Variants in RNF10 observed in about 807,000 individuals in gnomAD.
The protein encoded by RNF10 is E3 ubiquitin-protein ligase RNF10.
In RNF10, 38 loss-of-function variants were observed where a neutral mutation model predicts 91.4. That is an observed-to-expected ratio of 0.42 (90% CI 0.32 to 0.54). The LOEUF is 0.54. Among genes scored for constraint, RNF10 ranks in the 20% least tolerant of loss-of-function variants. The pLI is 0.16. For missense variants in RNF10, 945 were observed against 1,012.0 expected (o/e 0.93, Z 0.90); for synonymous variants, 364 against 366.3 (o/e 0.99, Z 0.07).
rs149749031 is a variant in RNF10, at chr12:120,570,991, A to G, written c.2042-200A>G. ...CGATGAAGCTCTTCCCTCTTCCTGTACCGGTCGCTGATTTCACTGGTGATA... is the reference window on the plus strand; with the variant it reads ...CGATGAAGCTCTTCCCTCTTCCTGTGCCGGTCGCTGATTTCACTGGTGATA... On this transcript the variant is annotated intron_variant, in intron 13 of 16. Transcript: ENST00000325954. Among the ~76,000 whole-genome samples the G allele has an allele frequency of 3.5e-3, 537 of 152,106 alleles. 4 individuals carry two copies. Among genetic ancestry groups the G allele is most frequent in the African/African-American group, 0.012 (507 of 41,486 alleles).
At chr12:120,549,507 G>A (rs113308343) in intron 2 of RNF10, among the ~76,000 whole-genome samples, 82 of 152,248 alleles carry the variant, frequency 5.4e-4, no homozygotes, top group African/African-American at 1.7e-3. Context: ...TGATGGGGCC[G>A]GGCGCAGTGG....
rs1014462619 is a variant in RNF10 at position 120,577,322 on chromosome 12, C to T, written c.*656C>T. ...AGTTGGTAAGGAAAGCTGTAACTCACGAAGCCCTGAGACCTGCTACCCCTA... is the reference window on the plus strand; with the variant it reads ...AGTTGGTAAGGAAAGCTGTAACTCATGAAGCCCTGAGACCTGCTACCCCTA... On this transcript the variant is annotated 3_prime_UTR_variant, in exon 17 of 17. Coordinates refer to ENST00000325954, the MANE Select transcript of RNF10 (RefSeq NM_014868.5). 7.9e-6 allele frequency: 3 copies of T among 380,878 alleles called. No individual in the cohort carries two copies. Among genetic ancestry groups the T allele is most frequent in the Admixed American group, 3.5e-5 (1 of 28,304 alleles). 23.6% of individuals were successfully genotyped at this position (380,878 alleles called of 1,614,324 possible).
chr12:120,554,497 G>A, intron 3 of RNF10: 1 of 485,770 alleles, frequency 2.1e-6, no homozygotes, highest in South Asian at 2.3e-5. Context: ...ACTTGAAGCA[G>A]AAGAAAACAG....
rs538700922 is a variant in RNF10 at position 120,567,822 on chromosome 12, A to ACAC, written c.2041+855_2041+857dup. Among the ~76,000 whole-genome samples the ACAC allele has an allele frequency of 7.0e-3, 1,072 of 152,194 alleles. 14 individuals are homozygous for ACAC. Among genetic ancestry groups the ACAC allele is most frequent in the African/African-American group, 0.024 (1,012 of 41,516 alleles). Reference sequence around the variant, plus strand: ...ATAAATGTTCGTGGGTTTTAAAAAAACACCACCACCACCACAAAACTAAAG... The same window carrying ACAC: ...ATAAATGTTCGTGGGTTTTAAAAAAACACCACCACCACCACCACAAAACTAAAG... On this transcript the variant is annotated intron_variant, in intron 13 of 16. Transcript: ENST00000325954.
chr12:120,557,776 AG>A, intron 6 of RNF10, 94 bp downstream of exon 6: 1 of 1,384,418 alleles, frequency 7.2e-7, no homozygotes, highest in Non-Finnish European at 1.0e-6. Flanking sequence ...GCCTTTGGGC[AG>A]GGCACATCTG....
intron 7 of RNF10, among the ~76,000 whole-genome samples, chr12:120,562,271 C>CTT (rs71076634): frequency 0.093 from 9,206 of 99,412 alleles, 597 homozygotes; most frequent in Non-Finnish European, 0.11. Context: ...TTCTTTCTTT[C>CTT]TTTTTTTTTT....
rs769203369 is a variant in RNF10, at chr12:120,571,272, C to T, written c.2123C>T (p.Pro708Leu). The T allele has an allele frequency of 9.9e-6, 16 of 1,612,848 alleles. No individual in the cohort carries two copies. The highest frequency in any genetic ancestry group is 1.4e-5 in the Non-Finnish European group (16 of 1,178,866). ...FCVGSLEEDS[P>L]FPSFAQMLRV... ...GTTGGGAGTCTGGAAGAAGACTCTC[C>T]CTTCCCTTCCTTTGCCCAGGTAAAT... The change falls in exon 14 of 17, where the codon CCC becomes CTC. Residue 708 changes from proline (P) to leucine (L), a missense_variant. Physicochemically the swap from Pro to Leu is moderately conservative, Grantham distance 98. Coordinates refer to ENST00000325954, the MANE Select transcript of RNF10 (RefSeq NM_014868.5).
rs1877514191 is a variant in RNF10 at position 120,577,254 on chromosome 12, C to T, written c.*588C>T. ...TGGAGTAGGCTGTCCTTGGCACTTG[C>T]ATGTGTGAAAGGAGGGTTTTGCCTC... On this transcript the variant is annotated 3_prime_UTR_variant, in exon 17 of 17. Coordinates refer to ENST00000325954, the MANE Select transcript of RNF10 (RefSeq NM_014868.5). 1 of 433,676 alleles carries T rather than the reference C, an allele frequency of 2.3e-6. No homozygotes were observed. The highest frequency in any genetic ancestry group is 2.7e-5 in the Admixed American group (1 of 36,492). The allele number at this position is 433,676 out of a possible 1,614,324, so 26.9% of individuals were successfully genotyped here.
chr12:120,541,043 G>C (rs1871483591), intron 1 of RNF10, among the ~76,000 whole-genome samples: 1 of 152,056 alleles, frequency 6.6e-6, no homozygotes, highest in Non-Finnish European at 1.5e-5. Flanking sequence ...TTTTAGTAGA[G>C]ACGGGGTTTC....
intron 2 of RNF10, among the ~76,000 whole-genome samples, chr12:120,548,176 A>G (rs1216944214): frequency 1.3e-5 from 2 of 152,228 alleles, no homozygotes; most frequent in Non-Finnish European, 2.9e-5. Flanking sequence ...TTATATGTAC[A>G]TTGAAATTCC....
rs914992549 is a variant in RNF10 at position 120,546,427 on chromosome 12, C to T, written c.180C>T (p.Ser60=). Reference sequence around the variant, plus strand: ...CAGATGGAAAGAACTCCAGTGGATCCAAGCGTTATAATCGCAAACGTGAAC... The same window carrying T: ...CAGATGGAAAGAACTCCAGTGGATCTAAGCGTTATAATCGCAAACGTGAAC... The part of the protein sequence containing the change: ...PKSDGKNSSG[S]KRYNRKRELS... Residue 60 remains serine (S), a synonymous_variant, in exon 2 of 17, where the codon TCC becomes TCT. Transcript: ENST00000325954. 1 of 1,612,888 alleles carries T rather than the reference C, an allele frequency of 6.2e-7. No individual in the cohort carries two copies. Among genetic ancestry groups the T allele is most frequent in the African/African-American group, 1.3e-5 (1 of 74,764 alleles).
At chr12:120,554,543 G>A (rs1873667884) in intron 3 of RNF10, 175 bp from the exon 4 acceptor site, 5 of 577,246 alleles carry the variant, frequency 8.7e-6, no homozygotes, top group South Asian at 2.0e-5. Flanking sequence ...TGAGTCTTTG[G>A]GTTCTTTCCA....
chr12:120,546,300 G>T, intron 1 of RNF10, 105 bp from the exon 2 acceptor site: 1 of 986,318 alleles, frequency 1.0e-6, no homozygotes, highest in Non-Finnish European at 1.5e-6. Flanking sequence ...CCTGAAGGTG[G>T]TCAAAGGGCC....
Position 120,560,708 on chromosome 12 carries a change from T to A in RNF10, c.968-18T>A, listed in dbSNP as rs749094770. On this transcript the variant is annotated intron_variant, in intron 6 of 16. Coordinates refer to ENST00000325954, the MANE Select transcript of RNF10 (RefSeq NM_014868.5). ...CTTTGAATGTTGCATTTCTTTGATC[T>A]TGCTGGCATTCTTATAGATGAACAG... The A allele has an allele frequency of 4.4e-6, 7 of 1,604,028 alleles. No individual in the cohort carries two copies. Among genetic ancestry groups the A allele is most frequent in the African/African-American group, 1.3e-5 (1 of 74,748 alleles).
Position 120,546,544 on chromosome 12 carries a change from G to A in RNF10, c.297G>A (p.Arg99=), listed in dbSNP as rs150282383. The A allele has an allele frequency of 4.5e-5, 73 of 1,614,138 alleles. No individual in the cohort carries two copies. The African/African-American group carries it at 9.2e-4, about 20-fold the overall frequency. The change falls in exon 2 of 17, where the codon AGG becomes AGA. Residue 99 remains arginine, a synonymous_variant. Coordinates refer to ENST00000325954, the MANE Select transcript of RNF10 (RefSeq NM_014868.5). ...CTTTTAACAAGATGCCTCCTCAAAG[G>A]GGCGGCGGCAGCAGCAAACTCTTTA... ...SKTFNKMPPQ[R]GGGSSKLFSS...
chr12:120,541,551 C>T (rs1164848693), intron 1 of RNF10, among the ~76,000 whole-genome samples: 1 of 151,804 alleles, frequency 6.6e-6, no homozygotes, highest in Non-Finnish European at 1.5e-5. Context: ...TCTCCTGCCT[C>T]AGCCTCCCGA....
intron 3 of RNF10, 25 bp from the exon 4 acceptor site, chr12:120,554,693 T>C (rs1490660665): frequency 3.2e-6 from 5 of 1,568,728 alleles, no homozygotes; most frequent in Non-Finnish European, 3.5e-6. Context: ...ACAGTCTAGC[T>C]TTTTCCTGTC....
intron 4 of RNF10, 41 bp downstream of exon 4, chr12:120,554,849 A>G: frequency 6.7e-7 from 1 of 1,496,368 alleles, no homozygotes; most frequent in Non-Finnish European, 9.3e-7. Context: ...GAATGGGAGC[A>G]CTAAATAAAG....
intron 1 of RNF10, among the ~76,000 whole-genome samples, chr12:120,540,669 A>G (rs1216760386): frequency 6.6e-6 from 1 of 152,178 alleles, no homozygotes; most frequent in African/African-American, 2.4e-5. Context: ...AAGACGAGAA[A>G]CGAGTTGATT....
Sources: gnomAD v4.1 joint callset for allele counts (sites outside exome capture counted in the v4.1 genomes callset) on GRCh38, gnomAD v4.1.1 for gene constraint, MANE v1.5 for transcripts, NCBI Gene and HGNC (gene_info 2026-07-23, HGNC 2026-07-21) for gene names.